The following RAB28 variants were observed in gnomAD, a reference collection of about 807,000 sequenced individuals.
RAB28 encodes the protein ras-related protein Rab-28.
A neutral mutation model predicts 31.7 loss-of-function variants in RAB28; 24 were observed. That is an observed-to-expected ratio of 0.76 (90% CI 0.55 to 1.06). The LOEUF (loss-of-function observed/expected upper bound fraction) is 1.06. Ranked by LOEUF, RAB28 falls within the 50% of genes least tolerant of loss-of-function variation. RAB28 has a pLI of 0.00. For missense variants in RAB28, 254 were observed against 258.5 expected, an observed-to-expected ratio of 0.98 and a Z score of 0.12; for synonymous variants, 100 against 90.4, an observed-to-expected ratio of 1.11 and a Z score of -0.60.
At chr4:13,374,726 G>A (rs547928557) in intron 6 of RAB28, among the ~76,000 whole-genome samples, 4 of 151,810 alleles carry the variant, frequency 2.6e-5, no homozygotes, top group Non-Finnish European at 5.9e-5. Flanking sequence ...ATTCCATCTT[G>A]ACTTTGGTCT....
chr4:13,369,287 A>G (rs1016238985), intron 6 of RAB28, among the ~76,000 whole-genome samples: 2 of 152,196 alleles, frequency 1.3e-5, no homozygotes, highest in South Asian at 2.1e-4. Context: ...GAAAAAATTT[A>G]GAAAATTACT....
chr4:13,455,237 T>C (rs1167536922), intron 4 of RAB28, among the ~76,000 whole-genome samples: 2 of 152,168 alleles, frequency 1.3e-5, no homozygotes, highest in Non-Finnish European at 2.9e-5. Context: ...CACAGACACA[T>C]AGCCACTCTA....
At chr4:13,371,046 T>G (rs1448488349) in intron 6 of RAB28, 1 of 983,230 alleles carries the variant, frequency 1.0e-6, no homozygotes, top group Non-Finnish European at 1.2e-6. Flanking sequence ...ATCTATTAAT[T>G]TATTAAGATA....
At chr4:13,447,063 G>A (rs1714738524) in intron 4 of RAB28, among the ~76,000 whole-genome samples, 1 of 152,074 alleles carries the variant, frequency 6.6e-6, no homozygotes, top group Non-Finnish European at 1.5e-5. Flanking sequence ...AACCAACTGT[G>A]AGAGAATCTA....
intron 4 of RAB28, among the ~76,000 whole-genome samples, chr4:13,385,393 CATAA>C (rs1222470693): frequency 6.6e-6 from 1 of 152,126 alleles, no homozygotes; most frequent in Admixed American, 6.5e-5. Context: ...CCCCAAGACA[CATAA>C]TCATCAGATC....
chr4:13,451,837 G>A (rs1714983587), intron 4 of RAB28, among the ~76,000 whole-genome samples: 1 of 151,900 alleles, frequency 6.6e-6, no homozygotes, highest in Non-Finnish European at 1.5e-5. Flanking sequence ...AGCATTTATT[G>A]AAGAGAGTGT....
intron 4 of RAB28, chr4:13,460,061 T>A: frequency 2.4e-6 from 1 of 421,324 alleles, no homozygotes; most frequent in Non-Finnish European, 4.1e-6. Context: ...AGGAATTTTC[T>A]ACTCAAATAA....
intron 3 of RAB28, among the ~76,000 whole-genome samples, chr4:13,472,085 T>C (rs944184622): frequency 2.0e-5 from 3 of 152,066 alleles, no homozygotes; most frequent in African/African-American, 4.8e-5. Context: ...AAAAACTGAC[T>C]TAAGGAAATG....
chr4:13,466,336 A>G lies in RAB28; in HGVS notation c.262-5508T>C, dbSNP rs553100068. ...CCAATAAGGGGTTAACATCCAAAAT[A>G]TACGAGGAACTCAAACAACTCCAAA... On this transcript the variant is annotated intron_variant, in intron 3 of 6. Coordinates refer to ENST00000330852, the MANE Select transcript of RAB28 (RefSeq NM_001017979.3). Among the ~76,000 whole-genome samples, 4 of 152,088 alleles carry G rather than the reference A, an allele frequency of 2.6e-5. No homozygotes were observed. The South Asian group carries it at 8.3e-4, about 32-fold the overall frequency.
chr4:13,448,942 CAG>C (rs1244696741), intron 4 of RAB28, among the ~76,000 whole-genome samples: 1 of 151,276 alleles, frequency 6.6e-6, no homozygotes. Context: ...GCAATAGAGA[CAG>C]AAATATTAGC....
At chr4:13,478,222 C>G (rs1040195092) in intron 2 of RAB28, among the ~76,000 whole-genome samples, 1 of 151,600 alleles carries the variant, frequency 6.6e-6, no homozygotes, top group African/African-American at 2.4e-5. Context: ...ATTAAAATGA[C>G]ATTTTCAGTT....
chr4:13,411,291 A>G (rs1712428550), intron 4 of RAB28, among the ~76,000 whole-genome samples: 1 of 152,204 alleles, frequency 6.6e-6, no homozygotes, highest in South Asian at 2.1e-4. Flanking sequence ...AGAAACATTA[A>G]TTAATACAAC....
intron 4 of RAB28, among the ~76,000 whole-genome samples, chr4:13,410,801 G>C (rs929372713): frequency 1.4e-4 from 22 of 152,172 alleles, no homozygotes; most frequent in African/African-American, 5.1e-4. Flanking sequence ...ATTTAAATAG[G>C]AATAAGTAAA....
At chr4:13,380,585 G>A (rs1479399820) in intron 5 of RAB28, among the ~76,000 whole-genome samples, 1 of 151,130 alleles carries the variant, frequency 6.6e-6, no homozygotes, top group East Asian at 1.9e-4. Context: ...TCTTTTTTGG[G>A]GCCTACCAAT....
chr4:13,402,201 A>G (rs1452728378), intron 4 of RAB28, among the ~76,000 whole-genome samples: 1 of 152,214 alleles, frequency 6.6e-6, no homozygotes, highest in Admixed American at 6.5e-5. Flanking sequence ...TTGAAAGCAT[A>G]TATTCTTCTG....
intron 4 of RAB28, among the ~76,000 whole-genome samples, chr4:13,458,174 T>C (rs1228333391): frequency 6.6e-6 from 1 of 152,120 alleles, no homozygotes; most frequent in African/African-American, 2.4e-5. Context: ...AAAAGCAAAC[T>C]ACAATTTCTA....
chr4:13,436,344 A>G (rs1029142830), intron 4 of RAB28, among the ~76,000 whole-genome samples: 2 of 152,214 alleles, frequency 1.3e-5, no homozygotes, highest in African/African-American at 4.8e-5. Flanking sequence ...TAATACTGGA[A>G]GTCCTAGCCA....
intron 4 of RAB28, among the ~76,000 whole-genome samples, chr4:13,441,816 C>T (rs1204452739): frequency 1.3e-5 from 2 of 152,178 alleles, no homozygotes; most frequent in Non-Finnish European, 2.9e-5. Flanking sequence ...TGGAGCAGTG[C>T]AACCACATAA....
chr4:13,373,209 C>A (rs1242205823), intron 6 of RAB28, among the ~76,000 whole-genome samples: 1 of 152,064 alleles, frequency 6.6e-6, no homozygotes, highest in Non-Finnish European at 1.5e-5. Flanking sequence ...GAGCCGATTG[C>A]TGGATTTCCT....
Sources: allele counts gnomAD v4.1 joint callset (sites outside exome capture counted in the v4.1 genomes callset), GRCh38; gene constraint gnomAD v4.1.1; transcripts MANE v1.5; gene names NCBI Gene and HGNC (gene_info 2026-07-23, HGNC 2026-07-21).